NTRK2: variants seen among roughly 807,000 people sequenced by gnomAD.
The protein encoded by NTRK2 is BDNF/NT-3 growth factors receptor.
NTRK2 carries 13 observed loss-of-function variants against 94.5 expected under a neutral mutation model. That is an observed-to-expected ratio of 0.14 (90% CI 0.09 to 0.22). NTRK2 has a LOEUF of 0.22. Ranked by LOEUF, NTRK2 falls within the 10% of genes least tolerant of loss-of-function variation. The pLI is 1.00. For missense variants in NTRK2, 639 were observed against 1,071.2 expected, an observed-to-expected ratio of 0.60 and a Z score of 5.63; for synonymous variants, 372 against 407.4, an observed-to-expected ratio of 0.91 and a Z score of 1.05.
intron 12 of NTRK2, chr9:84,811,676 C>T: frequency 9.4e-7 from 1 of 1,065,558 alleles, no homozygotes. Context: ...GGTAGGAAAG[C>T]TTGTCCTGAC....
chr9:85,011,481 A>G (rs1008201009), intron 17 of NTRK2, among the ~76,000 whole-genome samples: 1 of 152,136 alleles, frequency 6.6e-6, no homozygotes, highest in Non-Finnish European at 1.5e-5. Flanking sequence ...AGGTCATAAG[A>G]GTGGGTCCCG....
In NTRK2 at chr9:84,955,469, C is replaced by T. The variant is rs552650872; in HGVS notation, c.2124C>T (p.Ile708=). 2.5e-6 allele frequency: 4 copies of T among 1,614,226 alleles called. No homozygotes were observed. The highest frequency in any genetic ancestry group is 3.4e-6 in the Non-Finnish European group (4 of 1,180,032). Residue 708 remains isoleucine (I), a synonymous_variant, in exon 17 of 19, where the codon ATC becomes ATT. Transcript: ENST00000277120. ...CLVGENLLVK[I]GDFGMSRDVY... is the part of the protein sequence containing the mutation. ...TCGGGGAGAACTTGCTGGTGAAAATCGGGGACTTTGGGATGTCCCGGGACG... is the reference window on the plus strand; with the variant it reads ...TCGGGGAGAACTTGCTGGTGAAAATTGGGGACTTTGGGATGTCCCGGGACG...
At chr9:84,874,884 A>G (rs1315450424) in intron 14 of NTRK2, 10 of 1,057,228 alleles carry the variant, frequency 9.5e-6, no homozygotes, top group East Asian at 5.3e-5. Flanking sequence ...GAGTTGGTCA[A>G]TCCCAGTTGG....
chr9:84,767,201 T>C (rs2132748664), intron 12 of NTRK2, among the ~76,000 whole-genome samples: 1 of 152,366 alleles, frequency 6.6e-6, no homozygotes, highest in East Asian at 1.9e-4. Flanking sequence ...TAAAATTTTC[T>C]CTTCTTGAGA....
chr9:84,864,444 A>G lies in NTRK2; in HGVS notation c.1445-2799A>G, dbSNP rs578134775. Among the ~76,000 whole-genome samples, 14 of 152,300 alleles carry G rather than the reference A, an allele frequency of 9.2e-5. No individual in the cohort carries two copies. In the East Asian group the frequency reaches 1.4e-3, roughly 15 times the overall value. On this transcript the variant is annotated intron_variant, in intron 13 of 18. Transcript: ENST00000277120. ...TGAATGCACCAAAATCTCAGAAACC[A>G]CTAAAGAACATATTCATGTAACCAA...
At chr9:84,786,897 T>C (rs2068171226) in intron 12 of NTRK2, among the ~76,000 whole-genome samples, 1 of 152,184 alleles carries the variant, frequency 6.6e-6, no homozygotes, top group Non-Finnish European at 1.5e-5. Flanking sequence ...TCTTTTTAAA[T>C]TGACATTTTA....
intron 14 of NTRK2, among the ~76,000 whole-genome samples, chr9:84,927,984 A>G (rs1297112302): frequency 6.6e-6 from 1 of 152,244 alleles, no homozygotes; most frequent in African/African-American, 2.4e-5. Flanking sequence ...GAGGGATATG[A>G]AATTAATTGA....
intron 14 of NTRK2, among the ~76,000 whole-genome samples, chr9:84,890,700 T>G: frequency 6.6e-6 from 1 of 152,212 alleles, no homozygotes; most frequent in Non-Finnish European, 1.5e-5. Flanking sequence ...AGCAATCCCC[T>G]TGGGATGAAT....
At chr9:84,861,684 G>A (rs778423308) in intron 13 of NTRK2, among the ~76,000 whole-genome samples, 1 of 152,192 alleles carries the variant, frequency 6.6e-6, no homozygotes, top group East Asian at 1.9e-4. Context: ...TTGAAATCAG[G>A]TGTGATCTCT....
In NTRK2 at chr9:85,023,509, GATA is replaced by G. The variant is rs1832884834; in HGVS notation, c.*2074_*2076del. ...TGCAGTCAAGCGAGGGAGTTGACAAGATAAACCTTACGTCCATTCAAGTTATAT... is the reference window on the plus strand; with the variant it reads ...TGCAGTCAAGCGAGGGAGTTGACAAGAACCTTACGTCCATTCAAGTTATAT... On this transcript the variant is annotated 3_prime_UTR_variant, in exon 19 of 19. Transcript: ENST00000277120. The G allele has an allele frequency of 4.3e-6, 1 of 232,666 alleles. No individual in the cohort carries two copies. Among genetic ancestry groups the G allele is most frequent in the Non-Finnish European group, 8.5e-6 (1 of 117,784 alleles). 14.4% of individuals were successfully genotyped at this position (232,666 alleles called of 1,614,324 possible).
At chr9:84,730,180 C>T (rs1042923740) in intron 9 of NTRK2, among the ~76,000 whole-genome samples, 8 of 152,064 alleles carry the variant, frequency 5.3e-5, no homozygotes, top group Non-Finnish European at 7.4e-5. Context: ...CAGAAAAGCC[C>T]GTTTTTTTGT....
At chr9:84,894,849 C>G (rs770708368) in intron 14 of NTRK2, among the ~76,000 whole-genome samples, 1 of 152,164 alleles carries the variant, frequency 6.6e-6, no homozygotes, top group Non-Finnish European at 1.5e-5. Flanking sequence ...TAATTAGCTA[C>G]AGACAAAGCT....
At chr9:84,838,723 A>G (rs1390077589) in intron 12 of NTRK2, among the ~76,000 whole-genome samples, 2 of 152,240 alleles carry the variant, frequency 1.3e-5, no homozygotes, top group Admixed American at 6.5e-5. Context: ...GTAATTCACT[A>G]TTATAATAGT....
chr9:84,789,812 A>G (rs2068538528), intron 12 of NTRK2, among the ~76,000 whole-genome samples: 2 of 151,834 alleles, frequency 1.3e-5, no homozygotes, highest in African/African-American at 4.8e-5. Context: ...CTATCTTCCT[A>G]CCCATAAGAG....
chr9:84,871,885 TGGA>T, intron 14 of NTRK2: 16 of 1,613,212 alleles, frequency 9.9e-6, no homozygotes, highest in Non-Finnish European at 1.2e-5. Context: ...CCATGCCTGA[TGGA>T]GGAGAAGAGT....
At chr9:84,725,604 A>G (rs987651198) in intron 8 of NTRK2, among the ~76,000 whole-genome samples, 1 of 145,866 alleles carries the variant, frequency 6.9e-6, no homozygotes, top group Non-Finnish European at 1.5e-5. Context: ...CTACACATGT[A>G]TGGACCTTAT....
At chr9:84,903,652 G>A (rs1328078503) in intron 14 of NTRK2, among the ~76,000 whole-genome samples, 1 of 151,922 alleles carries the variant, frequency 6.6e-6, no homozygotes, top group Non-Finnish European at 1.5e-5. Flanking sequence ...GTTCTTTCTT[G>A]TCTCTATTCT....
chr9:85,005,156 T>G (rs1316536672), intron 17 of NTRK2, among the ~76,000 whole-genome samples: 1 of 152,200 alleles, frequency 6.6e-6, no homozygotes, highest in East Asian at 1.9e-4. Flanking sequence ...ATTGATACAG[T>G]GCAATTATGT....
At chr9:84,928,756 C>T (rs1244901607) in intron 14 of NTRK2, among the ~76,000 whole-genome samples, 5 of 152,150 alleles carry the variant, frequency 3.3e-5, no homozygotes, top group Admixed American at 2.0e-4. Context: ...GATGGAACTG[C>T]TAAAGGCAGG....
Sources: allele counts gnomAD v4.1 joint callset (sites outside exome capture counted in the v4.1 genomes callset), GRCh38; gene constraint gnomAD v4.1.1; transcripts MANE v1.5; gene names NCBI Gene and HGNC (gene_info 2026-07-23, HGNC 2026-07-21).